CEP112: variants seen among roughly 807,000 people sequenced by gnomAD.
The protein encoded by CEP112 is centrosomal protein of 112 kDa.
Under a neutral mutation model 153.0 loss-of-function variants are expected in CEP112, and 127 were observed. That is an observed-to-expected ratio of 0.83 (90% CI 0.72 to 0.96). The LOEUF (loss-of-function observed/expected upper bound fraction) is 0.96, where lower values mean the gene tolerates loss of function less well. CEP112 is among the 40% of genes least tolerant of loss of function. CEP112 has a pLI of 0.00. For missense variants in CEP112, 1,089 were observed against 1,101.2 expected (o/e 0.99, Z 0.16); for synonymous variants, 358 against 374.4 (o/e 0.96, Z 0.51).
At chr17:66,107,185 T>C (rs917992257) in intron 6 of CEP112, among the ~76,000 whole-genome samples, 1 of 152,054 alleles carries the variant, frequency 6.6e-6, no homozygotes. Flanking sequence ...ACAGCTCATA[T>C]CTATATTGAA....
At chr17:65,734,560 A>C (rs2050691782) in intron 23 of CEP112, among the ~76,000 whole-genome samples, 1 of 152,244 alleles carries the variant, frequency 6.6e-6, no homozygotes, top group South Asian at 2.1e-4. Flanking sequence ...TTAATAGAAA[A>C]ATAACTATTT....
At chr17:65,729,566 A>G (rs972447673) in intron 23 of CEP112, among the ~76,000 whole-genome samples, 2 of 152,222 alleles carry the variant, frequency 1.3e-5, no homozygotes, top group African/African-American at 4.8e-5. Context: ...TCTCCGATAC[A>G]GTTTAGCATT....
intron 21 of CEP112, among the ~76,000 whole-genome samples, chr17:65,849,166 G>A (rs146932948): frequency 3.2e-4 from 49 of 152,276 alleles, no homozygotes; most frequent in Admixed American, 8.5e-4. Context: ...TCATGGAAAC[G>A]GTTTTGTTTG....
At chr17:65,957,533 TAA>T (rs1327682845) in intron 18 of CEP112, among the ~76,000 whole-genome samples, 3 of 152,158 alleles carry the variant, frequency 2.0e-5, no homozygotes, top group South Asian at 2.1e-4. Flanking sequence ...TTTCTGAATA[TAA>T]GTGATATATT....
At chr17:66,167,124 CAG>C (rs2072010019) in intron 4 of CEP112, among the ~76,000 whole-genome samples, 2 of 152,218 alleles carry the variant, frequency 1.3e-5, no homozygotes, top group South Asian at 4.2e-4. Flanking sequence ...AACCTTTCTG[CAG>C]AGTCATAATT....
At chr17:65,728,665 C>T (rs2050320301) in intron 23 of CEP112, among the ~76,000 whole-genome samples, 1 of 152,134 alleles carries the variant, frequency 6.6e-6, no homozygotes, top group African/African-American at 2.4e-5. Flanking sequence ...ATTACTGTAT[C>T]ATTACTGCAC....
At chr17:65,816,264 G>A (rs2145954534) in intron 21 of CEP112, among the ~76,000 whole-genome samples, 1 of 152,100 alleles carries the variant, frequency 6.6e-6, no homozygotes, top group East Asian at 1.9e-4. Flanking sequence ...CATCACTACA[G>A]TCTAAGTTGT....
At chr17:65,663,778 G>C (rs1351811807) in intron 24 of CEP112, among the ~76,000 whole-genome samples, 1 of 152,214 alleles carries the variant, frequency 6.6e-6, no homozygotes, top group African/African-American at 2.4e-5. Flanking sequence ...GTTTTGGGGG[G>C]AAGCAAAATT....
At chr17:65,768,938 A>G (rs914296847) in intron 21 of CEP112, among the ~76,000 whole-genome samples, 2 of 152,128 alleles carry the variant, frequency 1.3e-5, no homozygotes, top group South Asian at 4.1e-4. Context: ...ATCAAGAACC[A>G]TTAGACAGTA....
chr17:65,808,768 C>A (rs979216430), intron 21 of CEP112, among the ~76,000 whole-genome samples: 9 of 152,144 alleles, frequency 5.9e-5, no homozygotes, highest in Non-Finnish European at 4.4e-5. Context: ...GCCTGCAGAA[C>A]TGTGGCCTCC....
intron 20 of CEP112, among the ~76,000 whole-genome samples, chr17:65,881,860 A>G (rs989569604): frequency 6.6e-6 from 1 of 152,238 alleles, no homozygotes; most frequent in Non-Finnish European, 1.5e-5. Context: ...GGATTTCAAC[A>G]TAAACTTTGG....
At chr17:66,033,119 A>G (rs2065563666) in intron 12 of CEP112, among the ~76,000 whole-genome samples, 1 of 152,222 alleles carries the variant, frequency 6.6e-6, no homozygotes, top group African/African-American at 2.4e-5. Flanking sequence ...GGAAAGAAAT[A>G]ACATTATGAG....
chr17:66,002,932 C>A (rs1346054065), intron 17 of CEP112, among the ~76,000 whole-genome samples: 2 of 152,150 alleles, frequency 1.3e-5, no homozygotes, highest in African/African-American at 4.8e-5. Context: ...TTCTACATCA[C>A]AAAGCTGTCT....
At chr17:65,698,395 G>C (rs767602415) in intron 23 of CEP112, among the ~76,000 whole-genome samples, 1 of 151,830 alleles carries the variant, frequency 6.6e-6, no homozygotes. Context: ...TCCTTCTCTC[G>C]CTCACCTATT....
At chr17:65,936,443 C>T (rs113089769) in intron 18 of CEP112, among the ~76,000 whole-genome samples, 13 of 152,142 alleles carry the variant, frequency 8.5e-5, no homozygotes, top group African/African-American at 3.1e-4. Context: ...TACCCTGATA[C>T]CAAAAACACA....
intron 20 of CEP112, among the ~76,000 whole-genome samples, chr17:65,901,847 C>T (rs2059860992): frequency 2.0e-5 from 3 of 151,398 alleles, no homozygotes; most frequent in Middle Eastern, 3.4e-3. Context: ...GGGTAAGGGG[C>T]AGATACCTTA....
intron 4 of CEP112, among the ~76,000 whole-genome samples, chr17:66,135,838 TATATAGATATAG>T (rs3031740): frequency 5.9e-5 from 9 of 151,644 alleles, no homozygotes; most frequent in East Asian, 1.9e-4. Context: ...AATGATACTA[TATATAGATATAG>T]ATATAGATAT....
At chr17:65,721,135 C>T (rs915568220) in intron 23 of CEP112, among the ~76,000 whole-genome samples, 4 of 151,780 alleles carry the variant, frequency 2.6e-5, no homozygotes, top group Non-Finnish European at 5.9e-5. Context: ...CCTCAGCCTC[C>T]AAGTAGCTAA....
chr17:66,135,870 G>T (rs2070411172), intron 4 of CEP112, among the ~76,000 whole-genome samples: 2 of 151,476 alleles, frequency 1.3e-5, no homozygotes, highest in African/African-American at 2.4e-5. Flanking sequence ...TAGATATATA[G>T]ATATAAAGCC....
Sources: allele counts gnomAD v4.1 joint callset (sites outside exome capture counted in the v4.1 genomes callset), GRCh38; gene constraint gnomAD v4.1.1; transcripts MANE v1.5; gene names NCBI Gene and HGNC (gene_info 2026-07-23, HGNC 2026-07-21).